The following RBL1 variants were observed in gnomAD, a reference collection of about 807,000 sequenced individuals.
The protein encoded by RBL1 is RB transcriptional corepressor like 1, also known as retinoblastoma-like protein 1.
In RBL1, 82 loss-of-function variants were observed where a neutral mutation model predicts 123.0. The ratio of observed to expected loss-of-function variants is 0.67; its 90% CI spans 0.56 to 0.80. RBL1 has a LOEUF of 0.80. RBL1 is among the 30% of genes least tolerant of loss of function. RBL1 has a pLI of 0.00. For missense variants in RBL1, 1,171 were observed against 1,299.6 expected, an observed-to-expected ratio of 0.90 and a Z score of 1.52; for synonymous variants, 405 against 441.3, an observed-to-expected ratio of 0.92 and a Z score of 1.03.
intron 16 of RBL1, among the ~76,000 whole-genome samples, chr20:37,023,423 C>T (rs1160566092): frequency 6.6e-6 from 1 of 151,910 alleles, no homozygotes. Flanking sequence ...GTGCCCGGCT[C>T]GAATGCATAA....
At chr20:37,035,880 G>A (rs2064603112) in intron 14 of RBL1, among the ~76,000 whole-genome samples, 1 of 152,144 alleles carries the variant, frequency 6.6e-6, no homozygotes, top group Non-Finnish European at 1.5e-5. Context: ...GGAAGCAAAA[G>A]CAAAAATCAG....
intron 11 of RBL1, among the ~76,000 whole-genome samples, chr20:37,053,839 C>A (rs1359460644): frequency 1.3e-5 from 2 of 152,062 alleles, no homozygotes; most frequent in Non-Finnish European, 2.9e-5. Flanking sequence ...TAAAACATAT[C>A]CTGGGCTACA....
Position 37,018,929 on chromosome 20 carries a change from C to T in RBL1, c.2632-560G>A, listed in dbSNP as rs577091529. Among the ~76,000 whole-genome samples the T allele has an allele frequency of 2.0e-5, 3 of 152,316 alleles. 1 individual carries two copies. Among genetic ancestry groups the T allele is most frequent in the South Asian group, 2.1e-4 (1 of 4,830 alleles). ...CACCACTGCACTCCAGCCTGGACAA[C>T]AGAGCAAGACTCTGCTCAAATACAA... On this transcript the variant is annotated intron_variant, in intron 18 of 21. Coordinates refer to ENST00000373664, the MANE Select transcript of RBL1 (RefSeq NM_002895.5).
At chr20:37,015,150 T>C (rs994923997) in intron 19 of RBL1, among the ~76,000 whole-genome samples, 2 of 150,844 alleles carry the variant, frequency 1.3e-5, no homozygotes, top group Admixed American at 6.6e-5. Context: ...AGTGGCAAAC[T>C]CTCAGTCACC....
chr20:37,082,617 A>G (rs368445864), intron 2 of RBL1, among the ~76,000 whole-genome samples: 1 of 152,188 alleles, frequency 6.6e-6, no homozygotes, highest in African/African-American at 2.4e-5. Context: ...TTGAACATGT[A>G]CCAACTTCAT....
chr20:37,082,144 A>G, intron 2 of RBL1: 2 of 373,486 alleles, frequency 5.4e-6, no homozygotes, highest in South Asian at 3.9e-5. Context: ...GGACAAGAAT[A>G]CAACCAGAAA....
At chr20:37,033,621 T>G in intron 15 of RBL1, among the ~76,000 whole-genome samples, 1 of 151,044 alleles carries the variant, frequency 6.6e-6, no homozygotes. Flanking sequence ...GGACTTTTTT[T>G]TTTTTTTTTT....
chr20:37,047,008 G>A (rs1473085409), intron 12 of RBL1, 45 bp downstream of exon 12: 2 of 1,536,184 alleles, frequency 1.3e-6, no homozygotes, highest in Non-Finnish European at 8.7e-7. Flanking sequence ...GTTTCTGTGA[G>A]AAACACTGTT....
intron 16 of RBL1, among the ~76,000 whole-genome samples, chr20:37,025,808 T>C (rs1437385422): frequency 6.6e-6 from 1 of 151,056 alleles, no homozygotes; most frequent in African/African-American, 2.4e-5. Context: ...GGTGGCGTGA[T>C]CTCGGCTCAC....
chr20:37,018,918 A>T (rs894251748), intron 18 of RBL1, among the ~76,000 whole-genome samples: 7 of 152,228 alleles, frequency 4.6e-5, no homozygotes, highest in Admixed American at 3.3e-4. Flanking sequence ...ACTGCACTCC[A>T]GCCTGGACAA....
At chr20:37,058,664 C>CA (rs1315120898) in intron 9 of RBL1, among the ~76,000 whole-genome samples, 5 of 152,052 alleles carry the variant, frequency 3.3e-5, no homozygotes, top group Admixed American at 3.3e-4. Flanking sequence ...CCTGGCCTCT[C>CA]AAAGTCCTGG....
rs188432681 is a variant in RBL1 at position 37,022,384 on chromosome 20, T to C, written c.2559+266A>G. 4.6e-5 allele frequency among the ~76,000 whole-genome samples: 7 copies of C among 152,326 alleles called. No homozygotes were observed. In the East Asian group the frequency reaches 1.3e-3, roughly 29 times the overall value. On this transcript the variant is annotated intron_variant, in intron 17 of 21. Coordinates refer to ENST00000373664, the MANE Select transcript of RBL1 (RefSeq NM_002895.5). ...CTCTATTGCCCAGGCTGAGGTACAG[T>C]GTCATGATCTCGGCTCACTGCAGCC...
At chr20:37,005,890 CTTTCTTTTT>C (rs1568814344) in intron 20 of RBL1, among the ~76,000 whole-genome samples, 13 of 102,266 alleles carry the variant, frequency 1.3e-4, no homozygotes, top group African/African-American at 5.8e-4. Flanking sequence ...TTTTTTTTTT[CTTTCTTTTT>C]TTTTTTTTTT....
chr20:37,008,070 G>A (rs1303034279), intron 19 of RBL1, among the ~76,000 whole-genome samples: 1 of 152,128 alleles, frequency 6.6e-6, no homozygotes, highest in Non-Finnish European at 1.5e-5. Context: ...ACTGAAGGTG[G>A]TGCTCTTTTC....
chr20:37,019,784 G>A (rs540916272), intron 18 of RBL1, among the ~76,000 whole-genome samples: 11 of 152,070 alleles, frequency 7.2e-5, no homozygotes, highest in Non-Finnish European at 1.5e-4. Context: ...AACCCTTAAG[G>A]TAATTTACTT....
chr20:37,094,633 C>T (rs1227531062), intron 1 of RBL1, among the ~76,000 whole-genome samples: 4 of 152,114 alleles, frequency 2.6e-5, no homozygotes, highest in African/African-American at 9.7e-5. Context: ...GGCTTATGCT[C>T]GTCTGGGTTT....
chr20:37,014,036 T>A (rs1198223560), intron 19 of RBL1, among the ~76,000 whole-genome samples: 2 of 152,062 alleles, frequency 1.3e-5, no homozygotes, highest in South Asian at 4.1e-4. Flanking sequence ...AGGTGACTTA[T>A]CTGAATATAG....
At chr20:37,025,338 A>G (rs2064402199) in intron 16 of RBL1, among the ~76,000 whole-genome samples, 1 of 152,038 alleles carries the variant, frequency 6.6e-6, no homozygotes, top group African/African-American at 2.4e-5. Context: ...TAAGCAACAT[A>G]GCGAAACCCC....
At chr20:37,072,715 T>TG (rs1236421377) in intron 2 of RBL1, among the ~76,000 whole-genome samples, 1 of 151,998 alleles carries the variant, frequency 6.6e-6, no homozygotes, top group Admixed American at 6.6e-5. Context: ...AGTGAAGAAG[T>TG]GGTGAATTCT....
Sources: allele counts gnomAD v4.1 joint callset (sites outside exome capture counted in the v4.1 genomes callset), GRCh38; gene constraint gnomAD v4.1.1; transcripts MANE v1.5; gene names NCBI Gene and HGNC (gene_info 2026-07-23, HGNC 2026-07-21).